The following FOXP2 variants were observed in gnomAD, a reference collection of about 807,000 sequenced individuals.
FOXP2 encodes forkhead box P2, also known as forkhead box protein P2.
In FOXP2, 12 loss-of-function variants were observed where a neutral mutation model predicts 115.8. The observed-to-expected ratio is 0.10, with a 90% CI of 0.07 to 0.17. The LOEUF is 0.17. FOXP2 is among the 10% of genes least tolerant of loss of function. FOXP2 has a pLI of 1.00. For missense variants in FOXP2, 629 were observed against 843.5 expected, an observed-to-expected ratio of 0.75 and a Z score of 3.15; for synonymous variants, 328 against 297.7, an observed-to-expected ratio of 1.10 and a Z score of -1.05.
At chr7:114,168,141 T>C (rs1793032044) in intron 1 of FOXP2, among the ~76,000 whole-genome samples, 1 of 152,056 alleles carries the variant, frequency 6.6e-6, no homozygotes, top group Non-Finnish European at 1.5e-5. Flanking sequence ...AGTGTGAAAA[T>C]GGACTAATAC....
At chr7:114,125,689 C>T (rs984178354) in intron 1 of FOXP2, among the ~76,000 whole-genome samples, 2 of 152,098 alleles carry the variant, frequency 1.3e-5, no homozygotes, top group African/African-American at 4.8e-5. Context: ...TTCAGTGAAT[C>T]ATGACTTCTG....
intron 2 of FOXP2, among the ~76,000 whole-genome samples, chr7:114,488,150 A>G (rs1255938718): frequency 6.6e-6 from 1 of 152,200 alleles, no homozygotes; most frequent in Admixed American, 6.5e-5. Flanking sequence ...TGTCTGATAC[A>G]GTGGCAGGCA....
At chr7:114,093,159 C>T (rs977519849) in intron 1 of FOXP2, among the ~76,000 whole-genome samples, 4 of 152,040 alleles carry the variant, frequency 2.6e-5, no homozygotes, top group African/African-American at 9.7e-5. Flanking sequence ...TCTCATTTGG[C>T]CTACTGTGGA....
chr7:114,447,449 T>C (rs980809294), intron 2 of FOXP2, among the ~76,000 whole-genome samples: 6 of 152,074 alleles, frequency 3.9e-5, no homozygotes, highest in African/African-American at 1.4e-4. Context: ...CTAAGCTACC[T>C]CTCCTGCCTC....
chr7:114,345,647 G>A (rs1791329095), intron 2 of FOXP2, among the ~76,000 whole-genome samples: 1 of 151,580 alleles, frequency 6.6e-6, no homozygotes, highest in Admixed American at 6.6e-5. Context: ...TTTCATTAAT[G>A]GCCGATTCTG....
At chr7:114,227,904 T>C (rs1242086406) in intron 1 of FOXP2, among the ~76,000 whole-genome samples, 1 of 152,006 alleles carries the variant, frequency 6.6e-6, no homozygotes, top group Admixed American at 6.6e-5. Context: ...GATATGGTAA[T>C]TTACATGATC....
intron 2 of FOXP2, among the ~76,000 whole-genome samples, chr7:114,390,888 T>C (rs1792581129): frequency 6.6e-6 from 1 of 152,074 alleles, no homozygotes; most frequent in Non-Finnish European, 1.5e-5. Context: ...GTTTTCAACA[T>C]TAAAAAATCT....
chr7:114,118,759 A>G (rs1791477817), intron 1 of FOXP2, among the ~76,000 whole-genome samples: 1 of 152,168 alleles, frequency 6.6e-6, no homozygotes, highest in East Asian at 1.9e-4. Flanking sequence ...TGGAAGACAC[A>G]TCTATGAACA....
chr7:114,158,164 TTTGTCAAAATA>T (rs1225379094), upstream of FOXP2, among the ~76,000 whole-genome samples: 1 of 152,204 alleles, frequency 6.6e-6, no homozygotes, highest in African/African-American at 2.4e-5. Context: ...TAGCAAATAT[TTTGTCAAAATA>T]TAAGTGTGTT....
intron 1 of FOXP2, among the ~76,000 whole-genome samples, chr7:114,157,461 CTA>C (rs1491582281): frequency 6.6e-6 from 1 of 151,824 alleles, no homozygotes; most frequent in African/African-American, 2.4e-5. Flanking sequence ...AATTAAGACT[CTA>C]AAAAAATCAA....
chr7:114,263,458 T>G (rs1795813362), intron 1 of FOXP2, among the ~76,000 whole-genome samples: 1 of 150,940 alleles, frequency 6.6e-6, no homozygotes, highest in African/African-American at 2.4e-5. Flanking sequence ...CCTTTTTTGG[T>G]GTTTTTGTTT....
chr7:114,400,949 G>A (rs541311279), intron 2 of FOXP2, among the ~76,000 whole-genome samples: 2 of 152,160 alleles, frequency 1.3e-5, no homozygotes, highest in East Asian at 3.9e-4. Flanking sequence ...CTCAGGGTGG[G>A]GGTCAGTGGG....
intron 3 of FOXP2, among the ~76,000 whole-genome samples, chr7:114,598,383 T>G (rs1487269333): frequency 6.6e-6 from 1 of 152,154 alleles, no homozygotes; most frequent in East Asian, 1.9e-4. Flanking sequence ...TGATGGATAC[T>G]GCCTTACAAC....
intron 1 of FOXP2, among the ~76,000 whole-genome samples, chr7:114,248,477 C>T (rs1045104091): frequency 6.6e-6 from 1 of 152,124 alleles, no homozygotes; most frequent in Non-Finnish European, 1.5e-5. Context: ...TGGAAAAAAA[C>T]TCAATACGTG....
Position 114,658,091 on chromosome 7 carries a change from T to C in FOXP2, c.1292T>C (p.Met431Thr), listed in dbSNP as rs1275101579. 1 of 1,613,868 alleles carries C rather than the reference T, an allele frequency of 6.2e-7. No homozygotes were observed. The highest frequency in any genetic ancestry group is 8.5e-7 in the Non-Finnish European group (1 of 1,179,844). Residue 431 changes from methionine (M) to threonine (T), a missense_variant, in exon 11 of 17, where the codon ATG (methionine) becomes ACG (threonine). Physicochemically the swap from Met to Thr is moderately conservative, Grantham distance 81. Coordinates refer to ENST00000350908, the MANE Select transcript of FOXP2 (RefSeq NM_014491.4). ...CTAAATCTGGTGTCTAGTGTCACCA[T>C]GTCGAAGAATATGTTGGAGACATCC... is the stretch of plus-strand genomic sequence containing the variant. ...KPLNLVSSVT[M>T]SKNMLETSPQ...
Position 114,193,411 on chromosome 7 carries a change from A to C in FOXP2, c.-102+30323A>C, listed in dbSNP as rs180788759. On this transcript the variant is annotated intron_variant, in intron 1 of 17. Transcript: ENST00000634411. ...TACATTCTTGGTTTATGTTAGTTGTATTCCTAGATAATTCAATGTATATTA... is the reference window on the plus strand; with the variant it reads ...TACATTCTTGGTTTATGTTAGTTGTCTTCCTAGATAATTCAATGTATATTA... 7.4e-4 allele frequency among the ~76,000 whole-genome samples: 113 copies of C among 151,998 alleles called. 1 individual carries two copies. The highest frequency in any genetic ancestry group is 2.6e-3 in the African/African-American group (108 of 41,532).
chr7:114,102,188 A>G (rs1438246260), intron 1 of FOXP2, among the ~76,000 whole-genome samples: 1 of 151,994 alleles, frequency 6.6e-6, no homozygotes, highest in East Asian at 1.9e-4. Context: ...GAATGCTTGT[A>G]TAACTCTTGT....
intron 3 of FOXP2, among the ~76,000 whole-genome samples, chr7:114,611,241 CT>C (rs1369132436): frequency 6.6e-6 from 1 of 152,146 alleles, no homozygotes; most frequent in Non-Finnish European, 1.5e-5. Flanking sequence ...CGGATTTCTA[CT>C]GAGCCACTTA....
intron 1 of FOXP2, among the ~76,000 whole-genome samples, chr7:114,094,313 A>G (rs993710043): frequency 6.6e-6 from 1 of 152,184 alleles, no homozygotes; most frequent in Admixed American, 6.5e-5. Flanking sequence ...CCTCCATATA[A>G]CACCACACTA....
Sources: allele counts gnomAD v4.1 joint callset (sites outside exome capture counted in the v4.1 genomes callset), GRCh38; gene constraint gnomAD v4.1.1; transcripts MANE v1.5; gene names NCBI Gene and HGNC (gene_info 2026-07-23, HGNC 2026-07-21).